CEP126: variants seen among roughly 807,000 people sequenced by gnomAD.
The protein encoded by CEP126 is centrosomal protein 126.
CEP126 carries 74 observed loss-of-function variants against 107.8 expected under a neutral mutation model. The observed-to-expected ratio is 0.69, with a 90% CI of 0.57 to 0.83. The LOEUF is 0.83. Ranked by LOEUF, CEP126 falls within the 40% of genes least tolerant of loss-of-function variation. CEP126 has a pLI of 0.00. For synonymous variants in CEP126, 449 were observed against 446.0 expected (o/e 1.01, Z -0.08); for missense variants, 1,237 against 1,281.9 (o/e 0.96, Z 0.53).
chr11:101,955,612 G>A (rs1940875445), intron 4 of CEP126, among the ~76,000 whole-genome samples: 1 of 152,184 alleles, frequency 6.6e-6, no homozygotes, highest in Non-Finnish European at 1.5e-5. Context: ...AATAAGCTAT[G>A]TACGTTTTTC....
intron 9 of CEP126, among the ~76,000 whole-genome samples, chr11:101,991,142 A>C (rs1041668692): frequency 2.0e-5 from 3 of 152,152 alleles, no homozygotes; most frequent in Non-Finnish European, 4.4e-5. Flanking sequence ...ATAACACTGC[A>C]CTCCTCCTTG....
rs752382206 is a variant in CEP126 at position 101,963,170 on chromosome 11, ACTGTTTTAT to A, written c.2136_2144del (p.Asn712_Ile715delinsLys). On this transcript the variant is annotated inframe_deletion, in exon 6 of 11. Transcript: ENST00000263468. The stretch of plus-strand genomic sequence containing the variant: ...TCTGGAGCAGACCATATGCCTTTGA[ACTGTTTTAT>A]ACCTTCAGGTTATAACTTTGCTAAA... 7.4e-6 allele frequency: 12 copies of A among 1,614,028 alleles called. No homozygotes were observed. The highest frequency in any genetic ancestry group is 1.0e-5 in the Non-Finnish European group (12 of 1,180,004).
At chr11:101,922,154 C>A (rs1255577018) in intron 1 of CEP126, among the ~76,000 whole-genome samples, 1 of 147,222 alleles carries the variant, frequency 6.8e-6, no homozygotes, top group Non-Finnish European at 1.5e-5. Context: ...CTTTCTAATA[C>A]CAAGTCAGAA....
chr11:101,939,988 A>G (rs1354134910), intron 2 of CEP126, among the ~76,000 whole-genome samples: 3 of 152,216 alleles, frequency 2.0e-5, no homozygotes, highest in Non-Finnish European at 4.4e-5. Context: ...AATACATACC[A>G]GCTGACTAAG....
intron 5 of CEP126, among the ~76,000 whole-genome samples, chr11:101,961,277 A>G (rs1940965355): frequency 6.6e-6 from 1 of 152,092 alleles, no homozygotes; most frequent in Non-Finnish European, 1.5e-5. Flanking sequence ...TAAGTTTTAT[A>G]AAAAGATGTA....
chr11:101,965,505 T>C (rs1941047641), intron 6 of CEP126, among the ~76,000 whole-genome samples: 1 of 152,248 alleles, frequency 6.6e-6, no homozygotes, highest in Non-Finnish European at 1.5e-5. Flanking sequence ...AATCTAAAAA[T>C]CTTCATTACT....
chr11:101,930,483 A>T (rs1940480876), intron 2 of CEP126, among the ~76,000 whole-genome samples: 1 of 152,172 alleles, frequency 6.6e-6, no homozygotes, highest in Non-Finnish European at 1.5e-5. Context: ...TGAGTGTTAC[A>T]GCTCTTAAAG....
chr11:101,997,109 C>G (rs1012015168), intron 10 of CEP126, among the ~76,000 whole-genome samples: 1 of 152,200 alleles, frequency 6.6e-6, no homozygotes, highest in African/African-American at 2.4e-5. Context: ...GCAATCTCAG[C>G]TTACTGCAAC....
chr11:101,965,828 CA>C (rs902055717), intron 6 of CEP126, among the ~76,000 whole-genome samples: 2 of 152,080 alleles, frequency 1.3e-5, no homozygotes, highest in Admixed American at 1.3e-4. Flanking sequence ...TAGTAAATAG[CA>C]GAATTGGTAT....
intron 1 of CEP126, among the ~76,000 whole-genome samples, 183 bp from the exon 2 acceptor site, chr11:101,922,458 A>AGCCCCGAATTTTTTTTACATAAAATGTTT (rs1367612437): frequency 7.2e-5 from 11 of 152,266 alleles, no homozygotes; most frequent in Non-Finnish European, 1.3e-4. Context: ...CACCGCACCC[A>AGCCCCGAATTTTTTTTACATAAAATGTTT]GCCCCGAATT....
At chr11:101,943,500 T>C (rs1940694434) in intron 2 of CEP126, among the ~76,000 whole-genome samples, 1 of 147,978 alleles carries the variant, frequency 6.8e-6, no homozygotes, top group Admixed American at 6.7e-5. Flanking sequence ...AGGCTTGCCT[T>C]TTCTTTTTTT....
intron 6 of CEP126, among the ~76,000 whole-genome samples, chr11:101,973,920 A>C (rs1226623837): frequency 6.6e-6 from 1 of 151,906 alleles, no homozygotes; most frequent in African/African-American, 2.4e-5. Context: ...TATTGATGGA[A>C]GTTTTTTACA....
At chr11:101,947,509 G>T (rs547163596) in intron 3 of CEP126, among the ~76,000 whole-genome samples, 1 of 152,084 alleles carries the variant, frequency 6.6e-6, no homozygotes, top group Admixed American at 6.6e-5. Flanking sequence ...ATATGGATGA[G>T]TGTCCATAAT....
At position 101,963,121 on chromosome 11, in the gene CEP126, G is replaced by C; in HGVS notation, c.2086G>C (p.Glu696Gln). The change falls in exon 6 of 11, where the codon GAA becomes CAA. Residue 696 changes from glutamate to glutamine, a missense_variant. Glu to Gln is a conservative substitution (Grantham distance 29, BLOSUM62 2). This residue lies in a region of CEP126 where 1,134 missense variants were observed against 1,150.5 expected (regional missense o/e 0.99). Transcript: ENST00000263468. ...GAAGTCCAGGGAGGATTCTATCTCT[G>C]AAAATGTTACGACTTTAGGAGGATC... ...TKKSREDSIS[E>Q]NVTTLGGSGA... The C allele has an allele frequency of 6.2e-7, 1 of 1,614,064 alleles. No individual in the cohort carries two copies. Among genetic ancestry groups the C allele is most frequent in the Admixed American group, 1.7e-5 (1 of 60,008 alleles).
intron 2 of CEP126, among the ~76,000 whole-genome samples, chr11:101,928,863 TA>T (rs1439585643): frequency 3.9e-5 from 6 of 152,226 alleles, no homozygotes; most frequent in African/African-American, 1.2e-4. Context: ...TTAGGTGTTC[TA>T]ATCTTTGCCT....
chr11:101,962,360 A>T lies in CEP126; in HGVS notation c.1325A>T (p.Glu442Val), dbSNP rs758215515. 7.4e-6 allele frequency: 12 copies of T among 1,613,674 alleles called. No individual in the cohort carries two copies. In the Admixed American group the frequency reaches 2.0e-4, roughly 27 times the overall value. Reference sequence around the variant, plus strand: ...TTTCCAGACCAAGAGAAATATTCTGAATTAAATCAAGAAAATGGAACTACT... The same window carrying T: ...TTTCCAGACCAAGAGAAATATTCTGTATTAAATCAAGAAAATGGAACTACT... ...ATFPDQEKYS[E>V]LNQENGTTSI... Residue 442 changes from glutamate to valine, a missense_variant, in exon 6 of 11, where the codon GAA (glutamate) becomes GTA (valine). By Grantham distance (121) the Glu-to-Val change is moderately radical (BLOSUM62 -2). Coordinates refer to ENST00000263468, the MANE Select transcript of CEP126 (RefSeq NM_020802.4).
Position 101,972,436 on chromosome 11 carries a change from A to G in CEP126, c.2846-5911A>G, listed in dbSNP as rs34187197. ...GCGAGACTCCGTCTCAAAAAAAACA[A>G]TACCTACAGAGCCCCATATGCTTCT... On this transcript the variant is annotated intron_variant, in intron 6 of 10. Transcript: ENST00000263468. Among the ~76,000 whole-genome samples, 730 of 151,754 alleles carry G rather than the reference A, an allele frequency of 4.8e-3. 4 individuals are homozygous for G. Among genetic ancestry groups the G allele is most frequent in the Admixed American group, 0.011 (162 of 15,258 alleles).
At chr11:101,968,835 G>A (rs1347170026) in intron 6 of CEP126, among the ~76,000 whole-genome samples, 1 of 152,054 alleles carries the variant, frequency 6.6e-6, no homozygotes, top group African/African-American at 2.4e-5. Flanking sequence ...TGTTACTAAT[G>A]AATATCAATA....
chr11:101,993,632 T>C (rs1941410691), intron 10 of CEP126, among the ~76,000 whole-genome samples: 2 of 152,230 alleles, frequency 1.3e-5, no homozygotes. Flanking sequence ...ATTGCCACAC[T>C]GCTTTCCACA....
Sources: gnomAD v4.1 joint callset for allele counts (sites outside exome capture counted in the v4.1 genomes callset) on GRCh38, gnomAD v4.1.1 for gene constraint, gnomAD v4.1.1 regional missense constraint, MANE v1.5 for transcripts, NCBI Gene and HGNC (gene_info 2026-07-23, HGNC 2026-07-21) for gene names.